NRG2: variants seen among roughly 807,000 people sequenced by gnomAD.
The protein encoded by NRG2 is neuregulin 2.
Under a neutral mutation model 73.9 loss-of-function variants are expected in NRG2, and 27 were observed. The ratio of observed to expected loss-of-function variants is 0.37; its 90% CI spans 0.27 to 0.50. The LOEUF (loss-of-function observed/expected upper bound fraction) is 0.50. NRG2 is among the 20% of genes least tolerant of loss of function. The pLI is 0.96. For missense variants in NRG2, 1,126 were observed against 1,210.1 expected (o/e 0.93, Z 1.03); for synonymous variants, 532 against 541.0 (o/e 0.98, Z 0.23).
intron 1 of NRG2, among the ~76,000 whole-genome samples, chr5:139,923,166 A>G (rs1751804814): frequency 6.6e-6 from 1 of 152,092 alleles, no homozygotes; most frequent in Non-Finnish European, 1.5e-5. Context: ...ATGGCGGGGA[A>G]TGTCGATAGT....
At chr5:140,022,185 T>G (rs915718242) in intron 1 of NRG2, among the ~76,000 whole-genome samples, 8 of 152,150 alleles carry the variant, frequency 5.3e-5, no homozygotes, top group African/African-American at 1.9e-4. Flanking sequence ...GTTTGAGCTT[T>G]CTTTCTTCGT....
chr5:140,038,276 C>T (rs1056550194), intron 1 of NRG2, among the ~76,000 whole-genome samples: 2 of 152,084 alleles, frequency 1.3e-5, no homozygotes, highest in African/African-American at 2.4e-5. Flanking sequence ...ATCCCTAGCT[C>T]TCAAACTGTT....
chr5:139,871,632 G>A lies in NRG2; in HGVS notation c.1112+89C>T, dbSNP rs879209070. On this transcript the variant is annotated intron_variant, in intron 4 of 9. Coordinates refer to ENST00000361474, the MANE Select transcript of NRG2 (RefSeq NM_004883.3). ...CTTGGGGACCTCTTGTCAGTGGCTT[G>A]GAACCCTCTTTTCCTAGAGCCCTCC... 3.0e-4 allele frequency: 472 copies of A among 1,547,702 alleles called. 1 individual carries two copies. The highest frequency in any genetic ancestry group is 3.9e-4 in the Non-Finnish European group (439 of 1,138,288).
chr5:139,904,186 CCTGTCA>C lies in NRG2; in HGVS notation c.701-16681_701-16676del. 1 of 1,034,812 alleles carries C rather than the reference CCTGTCA, an allele frequency of 9.7e-7. No individual in the cohort carries two copies. The highest frequency in any genetic ancestry group is 1.3e-6 in the Non-Finnish European group (1 of 784,730). The allele number at this position is 1,034,812 out of a possible 1,614,324, so 64.1% of individuals were successfully genotyped here. A position where few individuals can be genotyped will look rare whatever the true frequency, so the allele number is the denominator to read the frequency against. Reference sequence around the variant, plus strand: ...CACGCAGGCACGCGCGCCCTCGGTGCCTGTCACCGCGGCGGCCGCTAGCGCAGCCTA... The same window carrying C: ...CACGCAGGCACGCGCGCCCTCGGTGCCCGCGGCGGCCGCTAGCGCAGCCTA... On this transcript the variant is annotated intron_variant, in intron 1 of 9. Coordinates refer to ENST00000361474, the MANE Select transcript of NRG2 (RefSeq NM_004883.3). This position sits in a 1 kb window ranked among gnomAD's most constrained non-coding sequence, Gnocchi z 6.0.
chr5:139,847,405 G>C lies in NRG2; in HGVS notation c.*512C>G, dbSNP rs1473165028. The C allele has an allele frequency of 6.6e-6, 1 of 152,182 alleles. No homozygotes were observed. Among genetic ancestry groups the C allele is most frequent in the African/African-American group, 2.4e-5 (1 of 41,370 alleles). The allele number at this position is 152,182 out of a possible 1,614,324, so 9.4% of individuals were successfully genotyped here. On this transcript the variant is annotated 3_prime_UTR_variant, in exon 10 of 10. Transcript: ENST00000361474. ...TAGGGTCCTGGCCCTCTCCTCCCAGGGGTCGGGAACTTCAGCTCTTGCCTG... is the reference window on the plus strand; with the variant it reads ...TAGGGTCCTGGCCCTCTCCTCCCAGCGGTCGGGAACTTCAGCTCTTGCCTG...
intron 1 of NRG2, among the ~76,000 whole-genome samples, chr5:139,999,080 C>T (rs146759347): frequency 6.6e-6 from 1 of 152,126 alleles, no homozygotes; most frequent in Non-Finnish European, 1.5e-5. Flanking sequence ...CAGTGGGGGA[C>T]AGAAGCTAGC....
chr5:139,923,948 A>G (rs1751863993), intron 1 of NRG2, among the ~76,000 whole-genome samples: 1 of 152,216 alleles, frequency 6.6e-6, no homozygotes, highest in African/African-American at 2.4e-5. Flanking sequence ...CTAGATGCCA[A>G]CAAAGCTAGG....
intron 1 of NRG2, among the ~76,000 whole-genome samples, chr5:139,946,431 G>C (rs984932932): frequency 2.0e-5 from 3 of 152,000 alleles, no homozygotes; most frequent in African/African-American, 7.2e-5. Flanking sequence ...GCAAAATAGT[G>C]AAGTTGGATA....
At chr5:139,850,638 C>T (rs1360453873) in intron 9 of NRG2, among the ~76,000 whole-genome samples, 2 of 152,230 alleles carry the variant, frequency 1.3e-5, no homozygotes, top group Non-Finnish European at 2.9e-5. Flanking sequence ...CTGCTCACCT[C>T]CTACAGACCC....
chr5:140,034,769 C>CA (rs532824588), intron 1 of NRG2, among the ~76,000 whole-genome samples: 16 of 151,592 alleles, frequency 1.1e-4, no homozygotes, highest in Middle Eastern at 3.5e-3. Flanking sequence ...AATACCATAG[C>CA]AAAAAAAACC....
At chr5:140,004,253 C>T (rs1561745579) in intron 1 of NRG2, among the ~76,000 whole-genome samples, 1 of 152,214 alleles carries the variant, frequency 6.6e-6, no homozygotes, top group Non-Finnish European at 1.5e-5. Flanking sequence ...TCTACCAATA[C>T]AGTATTCTAC....
chr5:139,899,415 T>C (rs1369190735), intron 1 of NRG2, among the ~76,000 whole-genome samples: 1 of 152,250 alleles, frequency 6.6e-6, no homozygotes, highest in Non-Finnish European at 1.5e-5. Flanking sequence ...ATAATTTAAA[T>C]GTCCATCTTT....
intron 1 of NRG2, among the ~76,000 whole-genome samples, chr5:139,903,037 G>C (rs138548736): frequency 1.3e-5 from 2 of 152,328 alleles, no homozygotes; most frequent in East Asian, 3.9e-4. Flanking sequence ...CTTCCCAATA[G>C]AGACCTCAGA....
intron 3 of NRG2, among the ~76,000 whole-genome samples, chr5:139,878,456 C>G (rs1279168154): frequency 1.3e-5 from 2 of 152,220 alleles, no homozygotes; most frequent in East Asian, 3.9e-4. Context: ...CCTCCTCTTC[C>G]CACCCCACTC....
At chr5:139,934,324 GAAGTAA>G (rs1384178494) in intron 1 of NRG2, among the ~76,000 whole-genome samples, 1 of 152,152 alleles carries the variant, frequency 6.6e-6, no homozygotes, top group Non-Finnish European at 1.5e-5. Flanking sequence ...ATAACATACA[GAAGTAA>G]AATGTATGAC....
At chr5:139,911,305 G>A (rs1428762663) in intron 1 of NRG2, among the ~76,000 whole-genome samples, 2 of 152,086 alleles carry the variant, frequency 1.3e-5, no homozygotes, top group South Asian at 4.2e-4. Flanking sequence ...TGGACTAAAT[G>A]ATGTTGAGAG....
Position 139,852,716 on chromosome 5 carries a change from A to G in NRG2, c.1417-157T>C, listed in dbSNP as rs553968068. Among the ~76,000 whole-genome samples the G allele has an allele frequency of 2.0e-4, 30 of 152,318 alleles. No individual in the cohort carries two copies. The South Asian group carries it at 6.0e-3, about 30-fold the overall frequency. ...TGTTGGGGCAGCGATGGCTCCAGCA[A>G]ATCAACCCCCACCCCTTCCTCATGG... On this transcript the variant is annotated intron_variant, in intron 7 of 9. Coordinates refer to ENST00000361474, the MANE Select transcript of NRG2 (RefSeq NM_004883.3). This position sits in a 1 kb window ranked among gnomAD's most constrained non-coding sequence, Gnocchi z 4.4.
chr5:139,865,484 T>A lies in NRG2; in HGVS notation c.1189+65A>T, dbSNP rs570660689. The A allele has an allele frequency of 1.9e-5, 24 of 1,236,152 alleles. No homozygotes were observed. Among genetic ancestry groups the A allele is most frequent in the African/African-American group, 9.0e-5 (6 of 66,694 alleles). The allele number at this position is 1,236,152 out of a possible 1,614,324, so 76.6% of individuals were successfully genotyped here. ...AACACCCCTGGCCCTATGCCCTACA[T>A]TGGGGGGACTGCACCCAGAAGCTTT... is the stretch of plus-strand genomic sequence containing the variant. On this transcript the variant is annotated intron_variant, in intron 5 of 9. Transcript: ENST00000361474. This position sits in a 1 kb window ranked among gnomAD's most constrained non-coding sequence, Gnocchi z 5.2.
intron 1 of NRG2, among the ~76,000 whole-genome samples, chr5:139,946,325 G>A (rs925293959): frequency 3.3e-5 from 5 of 151,966 alleles, no homozygotes; most frequent in African/African-American, 1.2e-4. Flanking sequence ...TGGTTAATTG[G>A]TTTTCAACAA....
Sources: allele counts gnomAD v4.1 joint callset (sites outside exome capture counted in the v4.1 genomes callset), GRCh38; gene constraint gnomAD v4.1.1; non-coding constraint Gnocchi (gnomAD v3.1); transcripts MANE v1.5; gene names NCBI Gene and HGNC (gene_info 2026-07-23, HGNC 2026-07-21).